Variants in DPYD observed in about 807,000 individuals in gnomAD.
DPYD encodes the protein dihydropyrimidine dehydrogenase.
In DPYD, 109 loss-of-function variants were observed where a neutral mutation model predicts 116.2. The ratio of observed to expected loss-of-function variants is 0.94; its 90% CI spans 0.80 to 1.10. The LOEUF is 1.10. Among genes scored for constraint, DPYD ranks in the 50% least tolerant of loss-of-function variants. The pLI, the probability that DPYD is intolerant of heterozygous loss-of-function variation, is 0.00. For synonymous variants in DPYD, 440 were observed against 432.0 expected, an observed-to-expected ratio of 1.02 and a Z score of -0.23; for missense variants, 1,302 against 1,254.5, an observed-to-expected ratio of 1.04 and a Z score of -0.57.
Position 97,706,863 on chromosome 1 carries a change from G to T in DPYD, c.484-7316C>A, listed in dbSNP as rs138139290. On this transcript the variant is annotated intron_variant, in intron 5 of 22. Transcript: ENST00000370192. ...GTTAACGTAAGTTTTCAACTCTTTG[G>T]GGTAAATTGCCAGATCATATGATAA... 2.4e-3 allele frequency among the ~76,000 whole-genome samples: 361 copies of T among 152,110 alleles called. 5 individuals carry two copies. Among genetic ancestry groups the T allele is most frequent in the African/African-American group, 8.4e-3 (347 of 41,520 alleles).
chr1:97,116,295 C>T (rs1000034970), intron 20 of DPYD, among the ~76,000 whole-genome samples: 4 of 152,132 alleles, frequency 2.6e-5, no homozygotes, highest in East Asian at 1.9e-4. Flanking sequence ...GCCTGCACCA[C>T]GACTGCCTTT....
intron 5 of DPYD, among the ~76,000 whole-genome samples, chr1:97,701,477 C>A (rs1661595448): frequency 6.6e-6 from 1 of 151,572 alleles, no homozygotes; most frequent in African/African-American, 2.4e-5. Context: ...TTTATGCTAT[C>A]CAATGGATTG....
At chr1:97,892,841 T>C (rs1035703033) in intron 1 of DPYD, among the ~76,000 whole-genome samples, 2 of 151,842 alleles carry the variant, frequency 1.3e-5, no homozygotes, top group African/African-American at 2.4e-5. Flanking sequence ...CTTACAACTT[T>C]CATTTTGTTA....
intron 8 of DPYD, among the ~76,000 whole-genome samples, chr1:97,617,368 C>G (rs1238816109): frequency 1.3e-5 from 2 of 152,174 alleles, no homozygotes; most frequent in Non-Finnish European, 2.9e-5. Context: ...ACAAGAGTTA[C>G]AAAACACTAA....
chr1:97,799,961 T>A lies in DPYD; in HGVS notation c.233+28153A>T, dbSNP rs547080486. On this transcript the variant is annotated intron_variant, in intron 3 of 22. Coordinates refer to ENST00000370192, the MANE Select transcript of DPYD (RefSeq NM_000110.4). ...CCATTTCACTTGTTCAATTCCCCCA[T>A]TAGTAGTGATATTTATGCTCCTCAG... Among the ~76,000 whole-genome samples, 4 of 152,024 alleles carry A rather than the reference T, an allele frequency of 2.6e-5. No individual in the cohort carries two copies. In the East Asian group the frequency reaches 7.7e-4, roughly 29 times the overall value.
intron 2 of DPYD, among the ~76,000 whole-genome samples, chr1:97,875,313 A>G (rs1404597753): frequency 6.6e-6 from 1 of 152,002 alleles, no homozygotes; most frequent in East Asian, 1.9e-4. Flanking sequence ...AGGTGGAACT[A>G]TCATAAGAAT....
At chr1:97,710,201 G>A (rs1662205628) in intron 5 of DPYD, among the ~76,000 whole-genome samples, 1 of 151,742 alleles carries the variant, frequency 6.6e-6, no homozygotes, top group Non-Finnish European at 1.5e-5. Context: ...TAATTAGTGG[G>A]ATGAATGTCT....
intron 3 of DPYD, among the ~76,000 whole-genome samples, chr1:97,774,480 C>CTGCCAAAGG (rs1666298097): frequency 1.3e-5 from 2 of 152,198 alleles, no homozygotes; most frequent in Admixed American, 1.3e-4. Flanking sequence ...TTTCACTCAG[C>CTGCCAAAGG]TGCCAAAGGT....
intron 21 of DPYD, among the ~76,000 whole-genome samples, chr1:97,094,044 T>G (rs533564353): frequency 6.6e-6 from 1 of 152,212 alleles, no homozygotes; most frequent in South Asian, 2.1e-4. Flanking sequence ...TCGATTCCTC[T>G]TCTTATCCCT....
At chr1:97,241,527 C>T (rs925022620) in intron 18 of DPYD, among the ~76,000 whole-genome samples, 1 of 151,946 alleles carries the variant, frequency 6.6e-6, no homozygotes, top group Non-Finnish European at 1.5e-5. Flanking sequence ...TGAAAGTTCC[C>T]ATTTTCAGTT....
intron 15 of DPYD, among the ~76,000 whole-genome samples, chr1:97,375,922 T>A (rs745648761): frequency 2.0e-5 from 3 of 152,232 alleles, no homozygotes; most frequent in Non-Finnish European, 4.4e-5. Context: ...AGGCTTTGCA[T>A]AATAATTTTA....
chr1:97,792,634 T>C (rs1016328871), intron 3 of DPYD, among the ~76,000 whole-genome samples: 12 of 152,204 alleles, frequency 7.9e-5, no homozygotes, highest in African/African-American at 2.9e-4. Flanking sequence ...GTTTACTGCA[T>C]GCCATTATCA....
intron 16 of DPYD, among the ~76,000 whole-genome samples, chr1:97,352,703 T>C (rs527868073): frequency 6.6e-6 from 1 of 152,272 alleles, no homozygotes; most frequent in African/African-American, 2.4e-5. Context: ...GATGTTTGAT[T>C]GTTTTTTATT....
intron 3 of DPYD, among the ~76,000 whole-genome samples, chr1:97,817,315 A>T (rs191118648): frequency 1.1e-3 from 170 of 152,242 alleles, no homozygotes; most frequent in Non-Finnish European, 2.0e-3. Flanking sequence ...TCAGAATGGG[A>T]GACTTTTTTC....
intron 13 of DPYD, among the ~76,000 whole-genome samples, chr1:97,450,881 C>A (rs1676377285): frequency 6.6e-6 from 1 of 152,034 alleles, no homozygotes. Context: ...AATTAACTTG[C>A]TTGTTAAGTG....
chr1:97,242,124 GTATA>G (rs71590220), intron 18 of DPYD, among the ~76,000 whole-genome samples: 519 of 35,796 alleles, frequency 0.014, 4 homozygotes, highest in Middle Eastern at 0.05. Context: ...GTGTGCGTGT[GTATA>G]TATATATATA....
chr1:97,452,602 T>A (rs898589569), intron 13 of DPYD, among the ~76,000 whole-genome samples: 1 of 152,172 alleles, frequency 6.6e-6, no homozygotes, highest in African/African-American at 2.4e-5. Flanking sequence ...TGGGGCCTGG[T>A]GGAAATGATT....
chr1:97,373,375 T>C (rs1464447540), intron 16 of DPYD, among the ~76,000 whole-genome samples, 186 bp downstream of exon 16: 1 of 152,242 alleles, frequency 6.6e-6, no homozygotes, highest in Non-Finnish European at 1.5e-5. Flanking sequence ...AACTAAACAG[T>C]TGCTATAATT....
At chr1:97,579,906 C>T (rs1653523763) in intron 10 of DPYD, among the ~76,000 whole-genome samples, 1 of 152,158 alleles carries the variant, frequency 6.6e-6, no homozygotes, top group Non-Finnish European at 1.5e-5. Flanking sequence ...TTGATTTTCA[C>T]CTCCATATTC....
Sources: gnomAD v4.1 joint callset for allele counts (sites outside exome capture counted in the v4.1 genomes callset) on GRCh38, gnomAD v4.1.1 for gene constraint, MANE v1.5 for transcripts, NCBI Gene and HGNC (gene_info 2026-07-23, HGNC 2026-07-21) for gene names.